ATP8B4: variants seen among roughly 807,000 people sequenced by gnomAD.
ATP8B4 encodes probable phospholipid-transporting ATPase IM.
ATP8B4 carries 133 observed loss-of-function variants against 145.6 expected under a neutral mutation model. The ratio of observed to expected loss-of-function variants is 0.91; its 90% CI spans 0.79 to 1.05. ATP8B4 has a LOEUF of 1.05. Ranked by LOEUF, ATP8B4 falls within the 50% of genes least tolerant of loss-of-function variation. ATP8B4 has a pLI of 0.00. For synonymous variants in ATP8B4, 507 were observed against 492.9 expected (o/e 1.03, Z -0.38); for missense variants, 1,458 against 1,425.2 (o/e 1.02, Z -0.37).
intron 1 of ATP8B4, among the ~76,000 whole-genome samples, chr15:50,132,465 C>G (rs1274174718): frequency 6.6e-6 from 1 of 152,088 alleles, no homozygotes; most frequent in African/African-American, 2.4e-5. Context: ...AAACAACAGA[C>G]CCTGCAGAGG....
rs572726112 is a variant in ATP8B4 at position 50,129,237 on chromosome 15, G to A, written c.-42-22229C>T. Among the ~76,000 whole-genome samples, 21 of 152,118 alleles carry A rather than the reference G, an allele frequency of 1.4e-4. No individual in the cohort carries two copies. In the South Asian group the frequency reaches 2.1e-3, roughly 15 times the overall value. ...AATTCATATCAAGAACGCTGTATTA[G>A]TTTCCTAGGGCTGGAATAGCAAAGT... is the stretch of plus-strand genomic sequence containing the variant. On this transcript the variant is annotated intron_variant, in intron 1 of 3. Coordinates refer to the ATP8B4 transcript ENST00000558829.
At chr15:50,056,047 A>G (rs2052571074) in intron 3 of ATP8B4, among the ~76,000 whole-genome samples, 1 of 152,112 alleles carries the variant, frequency 6.6e-6, no homozygotes, top group Non-Finnish European at 1.5e-5. Context: ...AGCCTCAATC[A>G]CAGAAGAGGC....
intron 2 of ATP8B4, among the ~76,000 whole-genome samples, chr15:50,087,015 A>G (rs1232654594): frequency 2.2e-5 from 2 of 92,038 alleles, no homozygotes; most frequent in Non-Finnish European, 1.9e-5. Flanking sequence ...AGAGATCTAT[A>G]TTATTATATA....
chr15:50,063,084 T>TAA (rs2053141433), intron 3 of ATP8B4, among the ~76,000 whole-genome samples: 1 of 146,638 alleles, frequency 6.8e-6, no homozygotes, highest in African/African-American at 2.6e-5. Context: ...ATAGATGTCT[T>TAA]TAAAAAAAAA....
chr15:49,958,215 T>C (rs1340963950), intron 14 of ATP8B4, among the ~76,000 whole-genome samples: 1 of 151,400 alleles, frequency 6.6e-6, no homozygotes, highest in Non-Finnish European at 1.5e-5. Flanking sequence ...CATATAAAAA[T>C]AAAATTAAAA....
intron 9 of ATP8B4, among the ~76,000 whole-genome samples, chr15:49,988,987 A>G (rs1020616123): frequency 1.1e-4 from 17 of 152,242 alleles, no homozygotes; most frequent in Admixed American, 5.2e-4. Context: ...TCTTTCCCCA[A>G]TATAACAAAA....
intron 5 of ATP8B4, among the ~76,000 whole-genome samples, chr15:50,044,111 A>G (rs2051537318): frequency 6.6e-6 from 1 of 152,236 alleles, no homozygotes; most frequent in African/African-American, 2.4e-5. Flanking sequence ...TGAATTTTTG[A>G]CTGTACAGGG....
At chr15:50,138,898 G>A (rs1414728008) in intron 1 of ATP8B4, among the ~76,000 whole-genome samples, 2 of 152,122 alleles carry the variant, frequency 1.3e-5, no homozygotes, top group African/African-American at 2.4e-5. Context: ...GCCGGTATAG[G>A]GGAAATTGTG....
chr15:50,156,684 T>C (rs2044425672), intron 1 of ATP8B4, among the ~76,000 whole-genome samples: 2 of 152,304 alleles, frequency 1.3e-5, no homozygotes, highest in South Asian at 4.1e-4. Context: ...AGCTCTACAT[T>C]TTCCTTGATG....
At chr15:50,008,129 C>A (rs1056383954) in intron 7 of ATP8B4, among the ~76,000 whole-genome samples, 1 of 152,170 alleles carries the variant, frequency 6.6e-6, no homozygotes, top group Non-Finnish European at 1.5e-5. Flanking sequence ...GTTGCCCTGG[C>A]CCTCCCAATA....
At chr15:49,967,433 T>C (rs1264409456) in intron 13 of ATP8B4, among the ~76,000 whole-genome samples, 1 of 152,132 alleles carries the variant, frequency 6.6e-6, no homozygotes, top group Non-Finnish European at 1.5e-5. Flanking sequence ...ATAAGTGACC[T>C]GATGGAGCTG....
intron 6 of ATP8B4, among the ~76,000 whole-genome samples, chr15:50,025,156 C>T (rs1294966226): frequency 6.6e-6 from 1 of 152,210 alleles, no homozygotes; most frequent in Non-Finnish European, 1.5e-5. Flanking sequence ...AAGTAAGTCA[C>T]AGCAGTAATA....
At chr15:49,880,829 C>G (rs1431427506) in intron 23 of ATP8B4, 2 of 148,958 alleles carry the variant, frequency 1.3e-5, no homozygotes, top group African/African-American at 4.9e-5. Context: ...AAAAAAAAAG[C>G]CGGCCAGGTG....
At chr15:49,899,033 T>C (rs2037734876) in intron 21 of ATP8B4, among the ~76,000 whole-genome samples, 1 of 152,216 alleles carries the variant, frequency 6.6e-6, no homozygotes, top group Admixed American at 6.5e-5. Flanking sequence ...GAGTCATCAG[T>C]ATCTTTGAGT....
chr15:50,046,592 A>G (rs1302043598), intron 4 of ATP8B4, among the ~76,000 whole-genome samples: 1 of 152,242 alleles, frequency 6.6e-6, no homozygotes, highest in Non-Finnish European at 1.5e-5. Flanking sequence ...CAGTACTCAA[A>G]TCTATTAATC....
chr15:50,135,313 C>T (rs1457554951), intron 1 of ATP8B4, among the ~76,000 whole-genome samples: 1 of 152,052 alleles, frequency 6.6e-6, no homozygotes, highest in African/African-American at 2.4e-5. Flanking sequence ...CTGGATTTTC[C>T]CTCCAACAAT....
chr15:49,886,954 T>C (rs370529317), intron 23 of ATP8B4, among the ~76,000 whole-genome samples: 269 of 152,056 alleles, frequency 1.8e-3, no homozygotes, highest in African/African-American at 6.2e-3. Flanking sequence ...GGATTACAGG[T>C]GCCTGCCACC....
At chr15:49,890,513 T>C (rs1464585965) in intron 23 of ATP8B4, among the ~76,000 whole-genome samples, 1 of 152,146 alleles carries the variant, frequency 6.6e-6, no homozygotes, top group African/African-American at 2.4e-5. Context: ...GCTAAGAAAG[T>C]CTCATCACCC....
Position 49,931,220 on chromosome 15 carries a change from G to A in ATP8B4, c.1541C>T (p.Thr514Ile). ...RNFGFIFKSR[T>I]PETITIEELG... The stretch of plus-strand genomic sequence containing the variant: ...TTCTTCTATTGTTATGGTCTCTGGG[G>A]TCCGGGATTTAAAAATGAACCCAAA... The change falls in exon 16 of 28, where the codon ACC becomes ATC. Residue 514 changes from threonine to isoleucine, a missense_variant. By Grantham distance (89) the Thr-to-Ile change is moderately conservative. Transcript: ENST00000284509. 6.2e-7 allele frequency: 1 copy of A among 1,612,674 alleles called. No individual in the cohort carries two copies. Among genetic ancestry groups the A allele is most frequent in the Non-Finnish European group, 8.5e-7 (1 of 1,179,178 alleles).
Sources: gnomAD v4.1 joint callset for allele counts (sites outside exome capture counted in the v4.1 genomes callset) on GRCh38, gnomAD v4.1.1 for gene constraint, MANE v1.5 for transcripts, NCBI Gene and HGNC (gene_info 2026-07-23, HGNC 2026-07-21) for gene names.